The following RHOQ variants were observed in gnomAD, a reference collection of about 807,000 sequenced individuals.
RHOQ encodes the protein rho-related GTP-binding protein RhoQ.
In RHOQ, 7 loss-of-function variants were observed where a neutral mutation model predicts 25.8. The ratio of observed to expected loss-of-function variants is 0.27; its 90% CI spans 0.15 to 0.51. The LOEUF (loss-of-function observed/expected upper bound fraction) is 0.51, where lower values mean the gene tolerates loss of function less well. Among genes scored for constraint, RHOQ ranks in the 20% least tolerant of loss-of-function variants. RHOQ has a pLI of 0.97. For synonymous variants in RHOQ, 97 were observed against 98.6 expected, an observed-to-expected ratio of 0.98 and a Z score of 0.10; for missense variants, 165 against 260.6, an observed-to-expected ratio of 0.63 and a Z score of 2.53.
intron 2 of RHOQ, chr2:46,572,774 CG>C (rs1398114410): frequency 2.2e-6 from 1 of 452,874 alleles, no homozygotes. Context: ...TTTGATAAGT[CG>C]ATCTTTTAAA....
chr2:46,572,372 G>C (rs1366220255), intron 2 of RHOQ, among the ~76,000 whole-genome samples: 4 of 151,866 alleles, frequency 2.6e-5, no homozygotes, highest in Non-Finnish European at 5.9e-5. Context: ...CAAAGTGCTG[G>C]GATTACAGGT....
intron 2 of RHOQ, among the ~76,000 whole-genome samples, chr2:46,553,254 A>G (rs1228294647): frequency 6.6e-6 from 1 of 151,138 alleles, no homozygotes; most frequent in Non-Finnish European, 1.5e-5. Context: ...TCCCTACCAC[A>G]TCCACCGCTG....
At chr2:46,543,875 G>T (rs1276388268) in intron 2 of RHOQ, 63 bp downstream of exon 2, 2 of 1,481,182 alleles carry the variant, frequency 1.4e-6, no homozygotes, top group African/African-American at 2.8e-5. Context: ...TGGCTGCGAA[G>T]GGCCTTTGGA....
At chr2:46,577,180 C>T (rs945057837) in intron 4 of RHOQ, 2 of 152,092 alleles carry the variant, frequency 1.3e-5, no homozygotes, top group African/African-American at 2.4e-5. Context: ...GAAATTTCTC[C>T]AATCTTTTTA....
chr2:46,553,475 TACAA>T (rs1668306375), intron 2 of RHOQ, among the ~76,000 whole-genome samples: 1 of 152,210 alleles, frequency 6.6e-6, no homozygotes, highest in Non-Finnish European at 1.5e-5. Context: ...CTCTTTGTGC[TACAA>T]ACAATCCAAT....
At position 46,548,682 on chromosome 2, in the gene RHOQ, A is replaced by G. The variant is rs1158317335; in HGVS notation, c.201+4870A>G. ...GTGAGCAGAGCCTGGGAGGAGCCCC[A>G]GGGTTCCTTCCAGGCATCAGCTGCA... On this transcript the variant is annotated intron_variant, in intron 2 of 4. Coordinates refer to ENST00000238738, the MANE Select transcript of RHOQ (RefSeq NM_012249.4). The surrounding 1 kb of genome is among the most constrained non-coding windows in gnomAD (Gnocchi z 5.2). 6.6e-6 allele frequency among the ~76,000 whole-genome samples: 1 copy of G among 152,152 alleles called. No individual in the cohort carries two copies. The highest frequency in any genetic ancestry group is 1.5e-5 in the Non-Finnish European group (1 of 68,004).
At chr2:46,544,430 G>A (rs955185763) in intron 2 of RHOQ, among the ~76,000 whole-genome samples, 2 of 152,248 alleles carry the variant, frequency 1.3e-5, no homozygotes, top group African/African-American at 4.8e-5. Context: ...AATCTTGGAG[G>A]AGGAGGGGTT....
chr2:46,554,711 G>C (rs975938634), intron 2 of RHOQ, among the ~76,000 whole-genome samples: 3 of 151,950 alleles, frequency 2.0e-5, no homozygotes. Context: ...TTTCCTGGCT[G>C]ACCTCTGCTT....
intron 2 of RHOQ, among the ~76,000 whole-genome samples, chr2:46,551,116 C>T (rs994857278): frequency 2.0e-5 from 3 of 152,200 alleles, no homozygotes; most frequent in Admixed American, 6.5e-5. Flanking sequence ...GCTTAACCTT[C>T]GGAAACCTGT....
rs1012979208 is a variant in RHOQ, at chr2:46,583,023, T to C, written c.*1940T>C. 6.6e-6 allele frequency: 1 copy of C among 152,188 alleles called. No individual in the cohort carries two copies. Among genetic ancestry groups the C allele is most frequent in the African/African-American group, 2.4e-5 (1 of 41,460 alleles). The allele number at this position is 152,188 out of a possible 1,614,324, so 9.4% of individuals were successfully genotyped here. On this transcript the variant is annotated 3_prime_UTR_variant, in exon 5 of 5. Coordinates refer to ENST00000238738, the MANE Select transcript of RHOQ (RefSeq NM_012249.4). ...TGGTCTGCTTATTTTTAGATAAAAT[T>C]GAAAGGAATTGTATAAATCAATTAA...
rs1478027077 is a variant in RHOQ, at chr2:46,576,674, G to A, written c.462+18G>A. On this transcript the variant is annotated intron_variant, in intron 4 of 4. Transcript: ENST00000238738. This position sits in a 1 kb window ranked among gnomAD's most constrained non-coding sequence, Gnocchi z 5.1. ...CAAAAGAGGTAATGGAACACTCACA[G>A]AATTTAAGCATGAATGTAAAAGATG... 2.7e-6 allele frequency: 4 copies of A among 1,465,322 alleles called. No homozygotes were observed. The allele number at this position is 1,465,322 out of a possible 1,614,324, so 90.8% of individuals were successfully genotyped here.
chr2:46,543,856 A>G (rs528314878), intron 2 of RHOQ, 44 bp downstream of exon 2: 14 of 1,575,166 alleles, frequency 8.9e-6, no homozygotes, highest in African/African-American at 1.3e-5. Flanking sequence ...CCTGTTCCCC[A>G]GTTCTTTGTG....
At chr2:46,543,947 T>TTACAAG in intron 2 of RHOQ, 135 bp downstream of exon 2, 1 of 682,972 alleles carries the variant, frequency 1.5e-6, no homozygotes, top group Non-Finnish European at 2.5e-6. Flanking sequence ...TAGGTCTTTA[T>TTACAAG]TTCTTGTAAC....
chr2:46,561,692 C>CA (rs1247649194), intron 2 of RHOQ, among the ~76,000 whole-genome samples: 1 of 152,154 alleles, frequency 6.6e-6, no homozygotes, highest in Non-Finnish European at 1.5e-5. Context: ...CACTTAGCAT[C>CA]AATGGCTCTT....
At chr2:46,561,092 A>G (rs1166311422) in intron 2 of RHOQ, among the ~76,000 whole-genome samples, 3 of 151,150 alleles carry the variant, frequency 2.0e-5, no homozygotes, top group Non-Finnish European at 1.5e-5. Context: ...ATATATATGT[A>G]TATACAGGTA....
At position 46,576,329 on chromosome 2, in the gene RHOQ, C is replaced by T; in HGVS notation, c.366+78C>T. The T allele has an allele frequency of 8.0e-7, 1 of 1,244,806 alleles. No individual in the cohort carries two copies. The highest frequency in any genetic ancestry group is 1.4e-5 in the South Asian group (1 of 69,512). 77.1% of individuals were successfully genotyped at this position (1,244,806 alleles called of 1,614,324 possible). The stretch of plus-strand genomic sequence containing the variant: ...AGAGGCTGCTCTCAGACAAACAGTC[C>T]CAAAGCTGAGCAAATGATGTAAGTG... On this transcript the variant is annotated intron_variant, in intron 3 of 4. Transcript: ENST00000238738. The surrounding 1 kb of genome is among the most constrained non-coding windows in gnomAD (Gnocchi z 5.1).
At chr2:46,579,799 C>T (rs1156966491) in intron 4 of RHOQ, among the ~76,000 whole-genome samples, 2 of 150,278 alleles carry the variant, frequency 1.3e-5, no homozygotes, top group East Asian at 2.0e-4. Context: ...GAGCCAAGAT[C>T]GAACCATAGT....
intron 2 of RHOQ, among the ~76,000 whole-genome samples, chr2:46,545,123 G>A (rs1231098603): frequency 6.6e-6 from 1 of 152,164 alleles, no homozygotes; most frequent in Non-Finnish European, 1.5e-5. Context: ...TCACCAAAAT[G>A]GCCCAGGTCA....
chr2:46,543,322 C>T, intron 1 of RHOQ, 134 bp downstream of exon 1: 1 of 922,878 alleles, frequency 1.1e-6, no homozygotes, highest in Non-Finnish European at 1.7e-6. Flanking sequence ...TGCCAGGCGG[C>T]CGGCCCCACC....
Sources: gnomAD v4.1 joint callset for allele counts (sites outside exome capture counted in the v4.1 genomes callset) on GRCh38, gnomAD v4.1.1 for gene constraint, Gnocchi (gnomAD v3.1) non-coding constraint, MANE v1.5 for transcripts, NCBI Gene and HGNC (gene_info 2026-07-23, HGNC 2026-07-21) for gene names.